Variants in KIF1C observed in about 807,000 individuals in gnomAD.
KIF1C encodes kinesin family member 1C.
A neutral mutation model predicts 126.5 loss-of-function variants in KIF1C; 61 were observed. The observed-to-expected ratio is 0.48, with a 90% CI of 0.39 to 0.60. The LOEUF is 0.60. Among genes scored for constraint, KIF1C ranks in the 20% least tolerant of loss-of-function variants. The pLI is 0.00. For synonymous variants in KIF1C, 640 were observed against 580.6 expected (o/e 1.10, Z -1.47); for missense variants, 1,315 against 1,489.2 (o/e 0.88, Z 1.93).
rs1974659801 is a variant in KIF1C, at chr17:5,003,694, G to A, written c.798+5G>A. 3 of 1,612,182 alleles carry A rather than the reference G, an allele frequency of 1.9e-6. No homozygotes were observed. Among genetic ancestry groups the A allele is most frequent in the Non-Finnish European group, 2.5e-6 (3 of 1,178,554 alleles). On this transcript the variant is annotated splice_donor_5th_base_variant and intron_variant, in intron 9 of 22. Transcript: ENST00000320785. ...GCCCGGGGCATGCGCCTGAAGGTGA[G>A]GGGCCTTCAGAGGGTGGTTTGTTGT...
intron 11 of KIF1C, 59 bp from the exon 12 acceptor site, chr17:5,004,508 G>C (rs935570243): frequency 6.6e-7 from 1 of 1,519,220 alleles, no homozygotes; most frequent in Non-Finnish European, 9.1e-7. Flanking sequence ...CCTGTGACCC[G>C]GTCTGACTTT....
intron 18 of KIF1C, among the ~76,000 whole-genome samples, chr17:5,017,834 G>C (rs76192115): frequency 0.082 from 12,445 of 152,156 alleles, 668 homozygotes; most frequent in Middle Eastern, 0.12. Context: ...CAGGATGGCA[G>C]GCACCAGGGG....
Position 5,003,695 on chromosome 17 carries a change from G to C in KIF1C, c.798+6G>C. On this transcript the variant is annotated splice_donor_region_variant and intron_variant, in intron 9 of 22. Coordinates refer to ENST00000320785, the MANE Select transcript of KIF1C (RefSeq NM_006612.6). ...CCCGGGGCATGCGCCTGAAGGTGAG[G>C]GGCCTTCAGAGGGTGGTTTGTTGTG... is the stretch of plus-strand genomic sequence containing the variant. The C allele has an allele frequency of 6.2e-7, 1 of 1,612,104 alleles. No individual in the cohort carries two copies. The highest frequency in any genetic ancestry group is 1.1e-5 in the South Asian group (1 of 90,946).
intron 16 of KIF1C, among the ~76,000 whole-genome samples, chr17:5,007,849 A>G (rs1974771662): frequency 1.3e-5 from 2 of 152,240 alleles, no homozygotes; most frequent in Non-Finnish European, 2.9e-5. Flanking sequence ...GCTCAAAAAG[A>G]TAACTAAAGA....
In KIF1C at chr17:4,998,104, C is replaced by G. The variant is rs1477708251; in HGVS notation, c.-201C>G. On this transcript the variant is annotated 5_prime_UTR_variant, in exon 1 of 23. Coordinates refer to ENST00000320785, the MANE Select transcript of KIF1C (RefSeq NM_006612.6). ...CTTCCCGCTTCCGCCTCACGCTTCC[C>G]GGAAAGCTTGTCCCTCTCCGCCGAG... 6.6e-6 allele frequency: 1 copy of G among 152,028 alleles called. No individual in the cohort carries two copies. Among genetic ancestry groups the G allele is most frequent in the Non-Finnish European group, 1.5e-5 (1 of 67,986 alleles). The allele number at this position is 152,028 out of a possible 1,614,324, so 9.4% of individuals were successfully genotyped here.
In KIF1C at chr17:5,007,502, G is replaced by T. The variant is rs374701430; in HGVS notation, c.1451G>T (p.Arg484Leu). The change falls in exon 16 of 23, where the codon CGG (arginine) becomes CTG (leucine). Residue 484 changes from arginine (R) to leucine (L), a missense_variant. Physicochemically the swap from Arg to Leu is moderately radical, Grantham distance 102 (BLOSUM62 -2). Coordinates refer to ENST00000320785, the MANE Select transcript of KIF1C (RefSeq NM_006612.6). ...ALLAEMGVAV[R>L]EDGGTVGVFS... ...CTGGCTGAGATGGGGGTGGCCGTCC[G>T]GGAGGATGGGGGAACTGTGGGCGTC... The T allele has an allele frequency of 6.4e-7, 1 of 1,571,958 alleles. No homozygotes were observed. The highest frequency in any genetic ancestry group is 8.6e-7 in the Non-Finnish European group (1 of 1,158,898).
chr17:5,022,614 C>A lies in KIF1C; in HGVS notation c.2533C>A (p.Gln845Lys), dbSNP rs1173153721. 6 of 1,606,954 alleles carry A rather than the reference C, an allele frequency of 3.7e-6. No homozygotes were observed. The highest frequency in any genetic ancestry group is 5.1e-6 in the Non-Finnish European group (6 of 1,176,378). ...CATCGACAAGCTGACGGGGATTCTG[C>A]AGGAGGTGAAGCTGCAGAACAGCAG... Reference protein sequence around the residue: ...AHIDKLTGILQEVKLQNSSKD... With the variant: ...AHIDKLTGILKEVKLQNSSKD... The change falls in exon 22 of 23, where the codon CAG (glutamine) becomes AAG (lysine). Residue 845 changes from glutamine (Q) to lysine (K), a missense_variant. Coordinates refer to ENST00000320785, the MANE Select transcript of KIF1C (RefSeq NM_006612.6). This position sits in a 1 kb window ranked among gnomAD's most constrained non-coding sequence, Gnocchi z 4.9.
At chr17:5,007,613 G>A (rs766046220) in intron 16 of KIF1C, 71 bp downstream of exon 16, 1 of 1,300,250 alleles carries the variant, frequency 7.7e-7, no homozygotes, top group Admixed American at 2.3e-5. Context: ...GCAGGTGCAG[G>A]GTAGTGAGTG....
At position 5,028,002 on chromosome 17, in the gene KIF1C, T is replaced by TTAG. The variant is rs2143408198; in HGVS notation, c.*3852_*3854dup. On this transcript the variant is annotated 3_prime_UTR_variant, in exon 23 of 23. Transcript: ENST00000320785. ...ACATCAGACATCACCATCACCTCGCTTAGAATCCATGGGGCCTTCTCCTCA... is the reference window on the plus strand; with the variant it reads ...ACATCAGACATCACCATCACCTCGCTTAGTAGAATCCATGGGGCCTTCTCCTCA... The TTAG allele has an allele frequency of 6.6e-6, 1 of 152,284 alleles. No homozygotes were observed. Among genetic ancestry groups the TTAG allele is most frequent in the East Asian group, 1.9e-4 (1 of 5,190 alleles). The allele number at this position is 152,284 out of a possible 1,614,324, so 9.4% of individuals were successfully genotyped here. A position where few individuals can be genotyped will look rare whatever the true frequency, so the allele number is the denominator to read the frequency against.
chr17:5,000,209 C>G lies in KIF1C; in HGVS notation c.-27-11C>G. Reference sequence around the variant, plus strand: ...GGTTCTGACCCCACCACTCCTTTCTCTGTCCTCCAGCTGAGGAGGGCAGGA... The same window carrying G: ...GGTTCTGACCCCACCACTCCTTTCTGTGTCCTCCAGCTGAGGAGGGCAGGA... On this transcript the variant is annotated splice_polypyrimidine_tract_variant and intron_variant, in intron 2 of 22. Transcript: ENST00000320785. The G allele has an allele frequency of 2.1e-6, 3 of 1,456,912 alleles. No homozygotes were observed. Among genetic ancestry groups the G allele is most frequent in the Non-Finnish European group, 2.8e-6 (3 of 1,060,412 alleles). 90.2% of individuals were successfully genotyped at this position (1,456,912 alleles called of 1,614,324 possible).
rs755838380 is a variant in KIF1C, at chr17:5,020,460, G to T, written c.1751-32G>T. 3 of 1,579,990 alleles carry T rather than the reference G, an allele frequency of 1.9e-6. No individual in the cohort carries two copies. The Admixed American group carries it at 5.3e-5, about 28-fold the overall frequency. Reference sequence around the variant, plus strand: ...GGGATGGATTTGGTGCTGATGGGAAGCGAGTTTACTTTTCCCTCCTCCCAT... The same window carrying T: ...GGGATGGATTTGGTGCTGATGGGAATCGAGTTTACTTTTCCCTCCTCCCAT... On this transcript the variant is annotated intron_variant, in intron 19 of 22. Coordinates refer to ENST00000320785, the MANE Select transcript of KIF1C (RefSeq NM_006612.6). This position sits in a 1 kb window ranked among gnomAD's most constrained non-coding sequence, Gnocchi z 5.8.
chr17:5,023,758 C>T lies in KIF1C; in HGVS notation c.2919C>T (p.His973=), dbSNP rs767762952. The T allele has an allele frequency of 5.4e-5, 82 of 1,522,914 alleles. No individual in the cohort carries two copies. The highest frequency in any genetic ancestry group is 6.8e-5 in the Non-Finnish European group (77 of 1,138,300). 94.3% of individuals were successfully genotyped at this position (1,522,914 alleles called of 1,614,324 possible). A position where few individuals can be genotyped will look rare whatever the true frequency, so the allele number is the denominator to read the frequency against. The change falls in exon 23 of 23, where the codon CAC becomes CAT. Residue 973 remains histidine (H), a synonymous_variant. Transcript: ENST00000320785. This position sits in a 1 kb window ranked among gnomAD's most constrained non-coding sequence, Gnocchi z 4.2. ...RRPPARFVPP[H]DCKLRFPFKS... ...CCCCAGCCCGCTTTGTGCCCCCTCA[C>T]GACTGCAAGCTACGCTTCCCCTTCA...
rs1469601938 is a variant in KIF1C at position 5,007,447 on chromosome 17, T to C, written c.1416-20T>C. The C allele has an allele frequency of 6.2e-7, 1 of 1,607,266 alleles. No homozygotes were observed. On this transcript the variant is annotated intron_variant, in intron 15 of 22. Transcript: ENST00000320785. ...GGGCAGTGAAGGTAAGACTGACATTTGCCTCTCCTCTGCCCACAGAGAAGC... is the reference window on the plus strand; with the variant it reads ...GGGCAGTGAAGGTAAGACTGACATTCGCCTCTCCTCTGCCCACAGAGAAGC...
intron 16 of KIF1C, among the ~76,000 whole-genome samples, chr17:5,009,799 AAG>A (rs1974820673): frequency 6.6e-6 from 1 of 151,796 alleles, no homozygotes; most frequent in Non-Finnish European, 1.5e-5. Flanking sequence ...AAAAAAAAAA[AAG>A]AAAAAATGTT....
At position 5,003,865 on chromosome 17, in the gene KIF1C, C is replaced by G. The variant is rs1296881328; in HGVS notation, c.813C>G (p.Ile271Met). ...TCCTTTTCCAGGAAGGAGCCAACAT[C>G]AATAAGTCCCTGACTACACTAGGGA... ...RGMRLKEGAN[I>M]NKSLTTLGKV... Residue 271 changes from isoleucine to methionine, a missense_variant, in exon 10 of 23, where the codon ATC (isoleucine) becomes ATG (methionine). Around this residue, in one of 2 missense-constraint regions of KIF1C, gnomAD observed 874 missense variants for 1,053.2 expected, o/e 0.83. Coordinates refer to ENST00000320785, the MANE Select transcript of KIF1C (RefSeq NM_006612.6). 1 of 1,613,814 alleles carries G rather than the reference C, an allele frequency of 6.2e-7. No individual in the cohort carries two copies. The highest frequency in any genetic ancestry group is 1.7e-5 in the Admixed American group (1 of 60,010).
intron 16 of KIF1C, among the ~76,000 whole-genome samples, chr17:5,009,595 T>G (rs1567723701): frequency 1.3e-5 from 2 of 151,648 alleles, no homozygotes; most frequent in Non-Finnish European, 2.9e-5. Flanking sequence ...GAGACCATCC[T>G]GGCTAACACA....
chr17:5,002,372 G>T, intron 6 of KIF1C, 92 bp from the exon 7 acceptor site: 2 of 1,257,248 alleles, frequency 1.6e-6, no homozygotes, highest in Non-Finnish European at 2.2e-6. Context: ...ATTAGCTGCA[G>T]TCACCTGGAT....
Position 5,027,335 on chromosome 17 carries a change from G to A in KIF1C, c.*3184G>A, listed in dbSNP as rs1344445131. ...AGTAGAGACAGGGTTTCACTATGTT[G>A]TCCAAGCTGGTTTCGAATTCCTGAC... is the stretch of plus-strand genomic sequence containing the variant. On this transcript the variant is annotated 3_prime_UTR_variant, in exon 23 of 23. Coordinates refer to ENST00000320785, the MANE Select transcript of KIF1C (RefSeq NM_006612.6). The A allele has an allele frequency of 6.6e-6, 1 of 152,206 alleles. No individual in the cohort carries two copies. The highest frequency in any genetic ancestry group is 1.5e-5 in the Non-Finnish European group (1 of 68,050). 9.4% of individuals were successfully genotyped at this position (152,206 alleles called of 1,614,324 possible). A position where few individuals can be genotyped will look rare whatever the true frequency, so the allele number is the denominator to read the frequency against.
intron 18 of KIF1C, chr17:5,019,292 A>G (rs1438403373): frequency 6.0e-6 from 1 of 167,836 alleles, no homozygotes; most frequent in African/African-American, 2.4e-5. Flanking sequence ...CATCTTATAG[A>G]ATATCACAGA....
Sources: allele counts gnomAD v4.1 joint callset (sites outside exome capture counted in the v4.1 genomes callset), GRCh38; gene constraint gnomAD v4.1.1; regional missense constraint gnomAD v4.1.1; non-coding constraint Gnocchi (gnomAD v3.1); transcripts MANE v1.5; gene names NCBI Gene and HGNC (gene_info 2026-07-23, HGNC 2026-07-21).